The following ABCC5 variants were observed in gnomAD, a reference collection of about 807,000 sequenced individuals.
The protein encoded by ABCC5 is ATP-binding cassette sub-family C member 5.
Under a neutral mutation model 160.9 loss-of-function variants are expected in ABCC5, and 61 were observed. The ratio of observed to expected loss-of-function variants is 0.38; its 90% CI spans 0.31 to 0.47. The LOEUF is 0.47. Among genes scored for constraint, ABCC5 ranks in the 20% least tolerant of loss-of-function variants. ABCC5 has a pLI of 0.99. For synonymous variants in ABCC5, 666 were observed against 700.6 expected (o/e 0.95, Z 0.78); for missense variants, 1,308 against 1,813.3 (o/e 0.72, Z 5.06).
chr3:184,000,981 A>G (rs1463036228), intron 2 of ABCC5: 2 of 388,632 alleles, frequency 5.1e-6, no homozygotes, highest in Non-Finnish European at 9.1e-6. Context: ...GGCAGTGTAC[A>G]GTGGCTTATG....
intron 28 of ABCC5, among the ~76,000 whole-genome samples, chr3:183,926,731 C>T (rs1172489250): frequency 6.6e-6 from 1 of 151,922 alleles, no homozygotes; most frequent in African/African-American, 2.4e-5. Flanking sequence ...GATTGGATGA[C>T]CTTAAAGTCT....
rs58248534 is a variant in ABCC5, at chr3:183,967,436, T to C, written c.1833+259A>G. The C allele has an allele frequency of 3.5e-4, 154 of 439,176 alleles. 1 individual carries two copies. Among genetic ancestry groups the C allele is most frequent in the South Asian group, 1.9e-3 (90 of 46,744 alleles). The allele number at this position is 439,176 out of a possible 1,614,324, so 27.2% of individuals were successfully genotyped here. On this transcript the variant is annotated intron_variant, in intron 12 of 29. Transcript: ENST00000334444. ...TGGCACTCAATAGATACATGCTGAA[T>C]GAAAGAAGGCATGAGACCAAATGGT...
In ABCC5 at chr3:183,965,242, C is replaced by T; in HGVS notation, c.1974G>A (p.Leu658=). 3.1e-6 allele frequency: 5 copies of T among 1,614,228 alleles called. No homozygotes were observed. Among genetic ancestry groups the T allele is most frequent in the Non-Finnish European group, 4.2e-6 (5 of 1,180,044 alleles). ...EYDEERYNSV[L]NSCCLRPDLA... is the part of the protein sequence containing the mutation. The stretch of plus-strand genomic sequence containing the variant: ...GGTCAGGCCTCAGGCAGCAGCTGTT[C>T]AGCACAGAGTTGTATCTGGAGGACA... Residue 658 remains leucine, a synonymous_variant, in exon 14 of 30, where the codon CTG becomes CTA. Coordinates refer to ENST00000334444, the MANE Select transcript of ABCC5 (RefSeq NM_005688.4).
chr3:183,921,378 C>T lies in ABCC5; in HGVS notation c.4236G>A (p.Ser1412=), dbSNP rs746090977. The T allele has an allele frequency of 1.2e-5, 19 of 1,612,800 alleles. No individual in the cohort carries two copies. In the East Asian group the frequency reaches 3.1e-4, roughly 27 times the overall value. Residue 1412 remains serine (S), a synonymous_variant, in exon 30 of 30, where the codon TCG becomes TCA. Transcript: ENST00000334444. This position sits in a 1 kb window ranked among gnomAD's most constrained non-coding sequence, Gnocchi z 4.1. ...GGGAACTGTCGTTGGACAGAAGGACCGATGGGGTGTCAAACTCCACCACCT... is the reference window on the plus strand; with the variant it reads ...GGGAACTGTCGTTGGACAGAAGGACTGATGGGGTGTCAAACTCCACCACCT... ...QGQVVEFDTP[S]VLLSNDSSRF...
chr3:184,010,940 C>T (rs1182261919), intron 2 of ABCC5, among the ~76,000 whole-genome samples: 1 of 151,904 alleles, frequency 6.6e-6, no homozygotes, highest in Non-Finnish European at 1.5e-5. Context: ...TGGGGTTTCA[C>T]TGTGTTGCCC....
rs775681682 is a variant in ABCC5, at chr3:183,949,827, G to A, written c.3153C>T (p.Leu1051=). 3.1e-6 allele frequency: 5 copies of A among 1,614,116 alleles called. No homozygotes were observed. The highest frequency in any genetic ancestry group is 3.3e-5 in the Admixed American group (2 of 60,002). ...CCTGTATGCTGGACGTGATGTGGGA[G>A]AGGAAAGGTGACTGCGTGATATTGT... ...RLDNITQSPF[L]SHITSSIQGL... Residue 1051 remains leucine (L), a synonymous_variant, in exon 22 of 30, where the codon CTC becomes CTT. Transcript: ENST00000334444. The surrounding 1 kb of genome is among the most constrained non-coding windows in gnomAD (Gnocchi z 4.2).
intron 2 of ABCC5, among the ~76,000 whole-genome samples, chr3:183,999,670 C>G (rs75028460): frequency 6.6e-6 from 1 of 152,056 alleles, no homozygotes; most frequent in Non-Finnish European, 1.5e-5. Context: ...GTCCAGCTAC[C>G]TGAGAGGCTA....
intron 2 of ABCC5, among the ~76,000 whole-genome samples, chr3:184,003,683 A>T (rs1217722123): frequency 6.6e-6 from 1 of 152,156 alleles, no homozygotes; most frequent in Non-Finnish European, 1.5e-5. Context: ...TCACAAACAT[A>T]TCTCCACCAC....
chr3:183,935,722 G>A (rs1268487088), intron 26 of ABCC5, among the ~76,000 whole-genome samples: 6 of 151,082 alleles, frequency 4.0e-5, no homozygotes, highest in Admixed American at 2.6e-4. Flanking sequence ...GGCTGGTCTC[G>A]AACTCCTGAC....
chr3:183,985,315 G>A (rs1053272283), intron 5 of ABCC5: 15 of 1,613,742 alleles, frequency 9.3e-6, no homozygotes, highest in African/African-American at 4.0e-5. Context: ...TGAACTCTTG[G>A]CGAGAGATTC....
At position 184,015,495 on chromosome 3, in the gene ABCC5, C is replaced by T. The variant is rs577909266; in HGVS notation, c.-55-1048G>A. On this transcript the variant is annotated intron_variant, in intron 1 of 29. Transcript: ENST00000334444. The stretch of plus-strand genomic sequence containing the variant: ...CTGTGACTTAAAACTACTACTTCTG[C>T]AGCACAAAATTCTAACCATTATAAT... 5.3e-5 allele frequency among the ~76,000 whole-genome samples: 8 copies of T among 152,282 alleles called. No homozygotes were observed. In the South Asian group the frequency reaches 1.7e-3, roughly 32 times the overall value.
intron 2 of ABCC5, among the ~76,000 whole-genome samples, chr3:183,990,197 C>T (rs1476404243): frequency 1.3e-5 from 2 of 152,052 alleles, no homozygotes; most frequent in Non-Finnish European, 2.9e-5. Flanking sequence ...CAATCTCAGC[C>T]TCCCCGGTTC....
chr3:183,940,543 G>A (rs1434101296), intron 25 of ABCC5, among the ~76,000 whole-genome samples: 1 of 151,418 alleles, frequency 6.6e-6, no homozygotes, highest in African/African-American at 2.4e-5. Flanking sequence ...TTCCCAGATA[G>A]GAGGGGAGGA....
chr3:183,936,842 T>C (rs1713778249), intron 26 of ABCC5, among the ~76,000 whole-genome samples: 1 of 152,144 alleles, frequency 6.6e-6, no homozygotes, highest in Non-Finnish European at 1.5e-5. Flanking sequence ...ACACAAATGA[T>C]GGAAATCCAC....
At chr3:183,993,356 C>T (rs1161611992) in intron 2 of ABCC5, among the ~76,000 whole-genome samples, 2 of 151,928 alleles carry the variant, frequency 1.3e-5, no homozygotes, top group Non-Finnish European at 1.5e-5. Context: ...TGGTGGCACA[C>T]ACCTATAGTC....
At chr3:184,005,866 G>GT (rs1721152927) in intron 2 of ABCC5, among the ~76,000 whole-genome samples, 1 of 150,452 alleles carries the variant, frequency 6.6e-6, no homozygotes, top group Non-Finnish European at 1.5e-5. Context: ...TTAACCATTT[G>GT]TAACTTCCAA....
At chr3:183,976,856 G>A (rs981877756) in intron 10 of ABCC5, among the ~76,000 whole-genome samples, 1 of 151,984 alleles carries the variant, frequency 6.6e-6, no homozygotes, top group African/African-American at 2.4e-5. Flanking sequence ...TTTTTGTTAA[G>A]TATTAACCAC....
intron 7 of ABCC5, 41 bp from the exon 8 acceptor site, chr3:183,981,915 C>A: frequency 6.4e-7 from 1 of 1,571,290 alleles, no homozygotes; most frequent in South Asian, 1.2e-5. Flanking sequence ...AAAGCTCATT[C>A]AAACTTGAGA....
At chr3:183,950,479 T>C (rs898105985) in intron 20 of ABCC5, among the ~76,000 whole-genome samples, 14 of 152,234 alleles carry the variant, frequency 9.2e-5, no homozygotes, top group African/African-American at 3.4e-4. Context: ...GCTGTTAACA[T>C]TTAAGACATT....
Sources: allele counts gnomAD v4.1 joint callset (sites outside exome capture counted in the v4.1 genomes callset), GRCh38; gene constraint gnomAD v4.1.1; non-coding constraint Gnocchi (gnomAD v3.1); transcripts MANE v1.5; gene names NCBI Gene and HGNC (gene_info 2026-07-23, HGNC 2026-07-21).